The following MTR variants were observed in gnomAD, a reference collection of about 807,000 sequenced individuals.
The protein encoded by MTR is methionine synthase.
A neutral mutation model predicts 154.8 loss-of-function variants in MTR; 84 were observed. The observed-to-expected ratio is 0.54, with a 90% CI of 0.45 to 0.65. The LOEUF is 0.65. Among genes scored for constraint, MTR ranks in the 30% least tolerant of loss-of-function variants. MTR has a pLI of 0.00. For synonymous variants in MTR, 554 were observed against 553.9 expected (o/e 1.00, Z 0.00); for missense variants, 1,275 against 1,570.2 (o/e 0.81, Z 3.18).
chr1:236,795,659 C>T lies in MTR; in HGVS notation c.-45C>T. 3 of 1,612,982 alleles carry T rather than the reference C, an allele frequency of 1.9e-6. No individual in the cohort carries two copies. Among genetic ancestry groups the T allele is most frequent in the African/African-American group, 1.3e-5 (1 of 75,070 alleles). The stretch of plus-strand genomic sequence containing the variant: ...TGGCCGTCGTCACCTGTGGAGAGCA[C>T]GTCTTCTCTGCCGCGCCCTCTGCGC... On this transcript the variant is annotated 5_prime_UTR_variant, in exon 1 of 33. The change creates a new upstream start codon in the 5' untranslated region. Transcript: ENST00000366577.
At chr1:236,895,914 T>C (rs1288610103) in intron 31 of MTR, among the ~76,000 whole-genome samples, 1 of 152,240 alleles carries the variant, frequency 6.6e-6, no homozygotes, top group South Asian at 2.1e-4. Flanking sequence ...AATGTCACTT[T>C]GCTTCATGCT....
intron 8 of MTR, chr1:236,820,665 A>G (rs1415517070): frequency 2.0e-6 from 1 of 505,978 alleles, no homozygotes; most frequent in East Asian, 3.6e-5. Context: ...CATTTGGGTA[A>G]ATAGCAAGGA....
intron 3 of MTR, among the ~76,000 whole-genome samples, chr1:236,808,298 T>G (rs1399569418): frequency 6.6e-6 from 1 of 152,214 alleles, no homozygotes; most frequent in Non-Finnish European, 1.5e-5. Context: ...AAAGTTGCTG[T>G]GGGAACTGCC....
intron 4 of MTR, 51 bp downstream of exon 4, chr1:236,808,824 C>T: frequency 2.0e-6 from 3 of 1,537,172 alleles, no homozygotes; most frequent in South Asian, 1.1e-5. Context: ...TTGATACTGT[C>T]AGCTATAATG....
intron 18 of MTR, among the ~76,000 whole-genome samples, chr1:236,856,673 C>G (rs911677336): frequency 6.6e-6 from 1 of 152,090 alleles, no homozygotes; most frequent in South Asian, 2.1e-4. Flanking sequence ...AATGCTATCC[C>G]TTCCCTAGCT....
chr1:236,880,256 C>A (rs1408200993), intron 24 of MTR, among the ~76,000 whole-genome samples: 1 of 152,148 alleles, frequency 6.6e-6, no homozygotes, highest in African/African-American at 2.4e-5. Context: ...ACTGCAAGTA[C>A]AAGGTGGGGT....
intron 15 of MTR, among the ~76,000 whole-genome samples, chr1:236,847,212 C>A (rs1663630773): frequency 6.6e-6 from 1 of 152,072 alleles, no homozygotes; most frequent in African/African-American, 2.4e-5. Context: ...TTAATTACAG[C>A]CCCAGGATGG....
chr1:236,895,145 C>T, intron 30 of MTR: 1 of 620,708 alleles, frequency 1.6e-6, no homozygotes, highest in Admixed American at 2.7e-5. Flanking sequence ...TCCTTCAGAG[C>T]TCAGGTTGAG....
chr1:236,880,264 G>A (rs1374168675), intron 24 of MTR, among the ~76,000 whole-genome samples: 1 of 152,222 alleles, frequency 6.6e-6, no homozygotes, highest in East Asian at 1.9e-4. Context: ...TACAAGGTGG[G>A]GTTGGGGCTG....
Position 236,894,405 on chromosome 1 carries a change from T to G in MTR, c.3253T>G (p.Phe1085Val), listed in dbSNP as rs1464089886. 1.2e-6 allele frequency: 2 copies of G among 1,614,260 alleles called. No individual in the cohort carries two copies. The highest frequency in any genetic ancestry group is 1.1e-5 in the South Asian group (1 of 91,088). ...GGAGCCATACTACTGCCTCTCAGACTTCATCGCTCCCTTGCATTCTGGCAT... is the reference window on the plus strand; with the variant it reads ...GGAGCCATACTACTGCCTCTCAGACGTCATCGCTCCCTTGCATTCTGGCAT... ...STEPYYCLSD[F>V]IAPLHSGIRD... Residue 1085 changes from phenylalanine (F) to valine (V), a missense_variant, in exon 30 of 33, where the codon TTC (phenylalanine) becomes GTC (valine). By Grantham distance (50) the Phe-to-Val change is conservative. Transcript: ENST00000366577.
intron 7 of MTR, among the ~76,000 whole-genome samples, chr1:236,816,022 A>G (rs990095095): frequency 6.6e-6 from 1 of 152,192 alleles, no homozygotes; most frequent in African/African-American, 2.4e-5. Flanking sequence ...CTGCCAATTT[A>G]TTAACTCAGT....
chr1:236,807,386 C>T (rs1661045095), intron 3 of MTR, among the ~76,000 whole-genome samples: 1 of 152,118 alleles, frequency 6.6e-6, no homozygotes, highest in Non-Finnish European at 1.5e-5. Context: ...GTTGCCCAGG[C>T]TGGTCTCCAA....
chr1:236,867,888 C>T (rs80058835), intron 22 of MTR, among the ~76,000 whole-genome samples: 4,982 of 152,234 alleles, frequency 0.033, 99 homozygotes, highest in South Asian at 0.089. Context: ...TTGCTTCTTA[C>T]GGCTGAGCAA....
chr1:236,808,949 C>T (rs1661145174), intron 4 of MTR, among the ~76,000 whole-genome samples, 176 bp downstream of exon 4: 1 of 152,196 alleles, frequency 6.6e-6, no homozygotes. Flanking sequence ...ATCAAGCACT[C>T]AACATCTTTG....
chr1:236,859,417 A>G (rs1303881632), intron 18 of MTR, among the ~76,000 whole-genome samples: 1 of 152,152 alleles, frequency 6.6e-6, no homozygotes, highest in East Asian at 1.9e-4. Flanking sequence ...TACACCTCCT[A>G]GTGTGCCCAC....
intron 14 of MTR, 40 bp downstream of exon 14, chr1:236,835,727 C>T: frequency 6.2e-7 from 1 of 1,612,342 alleles, no homozygotes; most frequent in Non-Finnish European, 8.5e-7. Flanking sequence ...ATTTACTTGT[C>T]TCACTTTGAC....
Position 236,841,544 on chromosome 1 carries a change from G to A in MTR, c.1515+2945G>A, listed in dbSNP as rs567318451. On this transcript the variant is annotated intron_variant, in intron 15 of 32. Transcript: ENST00000366577. ...TCTGACATGAGCTGGAAGTAGGCCA[G>A]CTGCACAGCTGTGACTGCTAGCTGT... Among the ~76,000 whole-genome samples, 315 of 152,270 alleles carry A rather than the reference G, an allele frequency of 2.1e-3. 1 individual carries two copies. The highest frequency in any genetic ancestry group is 7.3e-3 in the African/African-American group (302 of 41,554).
At chr1:236,891,418 C>T (rs2147940256) in intron 29 of MTR, 89 bp downstream of exon 29, 5 of 1,285,918 alleles carry the variant, frequency 3.9e-6, no homozygotes, top group East Asian at 4.7e-5. Flanking sequence ...TGAGGGTCTG[C>T]TTCACCTCCT....
chr1:236,819,508 A>C (rs919225273), intron 8 of MTR: 3 of 315,702 alleles, frequency 9.5e-6, no homozygotes, highest in Non-Finnish European at 1.8e-5. Context: ...TGTATTGAAG[A>C]CCATCTTGGT....
Sources: gnomAD v4.1 joint callset for allele counts (sites outside exome capture counted in the v4.1 genomes callset) on GRCh38, gnomAD v4.1.1 for gene constraint, MANE v1.5 for transcripts, NCBI Gene and HGNC (gene_info 2026-07-23, HGNC 2026-07-21) for gene names.